ZC3H3: variants seen among roughly 807,000 people sequenced by gnomAD.
The protein encoded by ZC3H3 is zinc finger CCCH domain-containing protein 3.
ZC3H3 carries 36 observed loss-of-function variants against 77.3 expected under a neutral mutation model. That is an observed-to-expected ratio of 0.47 (90% confidence interval 0.36 to 0.61). The LOEUF (loss-of-function observed/expected upper bound fraction) is 0.61, where lower values mean the gene tolerates loss of function less well. Among genes scored for constraint, ZC3H3 ranks in the 20% least tolerant of loss-of-function variants. The probability of loss-of-function intolerance (pLI) is 0.00; values close to 1 mark genes in which losing one functional copy is unlikely to be tolerated. For synonymous variants in ZC3H3, 626 were observed against 555.2 expected (o/e 1.13, Z -1.79); for missense variants, 1,331 against 1,312.2 (o/e 1.01, Z -0.22).
intron 9 of ZC3H3, among the ~76,000 whole-genome samples, chr8:143,454,704 C>A (rs1157067402): frequency 6.6e-6 from 1 of 152,146 alleles, no homozygotes; most frequent in Non-Finnish European, 1.5e-5. Context: ...AGCCACCGCG[C>A]CCAGCCAACA....
intron 4 of ZC3H3, among the ~76,000 whole-genome samples, chr8:143,505,550 C>T (rs1161726715): frequency 2.0e-5 from 3 of 152,160 alleles, no homozygotes; most frequent in Admixed American, 6.5e-5. Flanking sequence ...CCCCTCAGCT[C>T]AGCACCCTCC....
chr8:143,527,910 C>T (rs557447638), intron 3 of ZC3H3, among the ~76,000 whole-genome samples: 32 of 152,356 alleles, frequency 2.1e-4, no homozygotes, highest in African/African-American at 7.7e-4. Context: ...GCAAGGAGAA[C>T]GGGCAGACAG....
rs1017842236 is a variant in ZC3H3, at chr8:143,522,668, C to G, written c.1561+13589G>C. ...GTGCAGTGGCTCACGCCTGGAATCC[C>G]AGCACTTTGGAAGGCCAAGTTAAGC... On this transcript the variant is annotated intron_variant, in intron 3 of 11. Transcript: ENST00000262577. Among the ~76,000 whole-genome samples, 7 of 152,240 alleles carry G rather than the reference C, an allele frequency of 4.6e-5. No individual in the cohort carries two copies. In the South Asian group the frequency reaches 1.4e-3, roughly 32 times the overall value.
At chr8:143,444,889 C>G (rs1327691779) in intron 9 of ZC3H3, among the ~76,000 whole-genome samples, 1 of 152,038 alleles carries the variant, frequency 6.6e-6, no homozygotes, top group Non-Finnish European at 1.5e-5. Flanking sequence ...GAAAAAAAGT[C>G]ATTATTTGCA....
At chr8:143,516,733 G>A (rs986353098) in intron 3 of ZC3H3, among the ~76,000 whole-genome samples, 4 of 152,178 alleles carry the variant, frequency 2.6e-5, no homozygotes, top group African/African-American at 7.2e-5. Flanking sequence ...GGTGCAGCAC[G>A]TGGCCAGCCA....
chr8:143,466,829 C>T (rs1316494618), intron 8 of ZC3H3, among the ~76,000 whole-genome samples: 1 of 152,212 alleles, frequency 6.6e-6, no homozygotes, highest in African/African-American at 2.4e-5. Context: ...CTCCCACTAC[C>T]CTTGTCCCCC....
Position 143,437,910 on chromosome 8 carries a change from G to A in ZC3H3, c.*146C>T. ...CACACGCTGGTCATGGAAGGTTGAG[G>A]GCCAGGCAGGCAGAGCAGTGTCCCT... On this transcript the variant is annotated 3_prime_UTR_variant, in exon 12 of 12. Coordinates refer to ENST00000262577, the MANE Select transcript of ZC3H3 (RefSeq NM_015117.3). The A allele has an allele frequency of 8.6e-7, 1 of 1,161,414 alleles. No homozygotes were observed. Among genetic ancestry groups the A allele is most frequent in the Non-Finnish European group, 1.2e-6 (1 of 803,402 alleles). 71.9% of individuals were successfully genotyped at this position (1,161,414 alleles called of 1,614,324 possible).
intron 4 of ZC3H3, among the ~76,000 whole-genome samples, chr8:143,476,193 C>G (rs1820729292): frequency 6.6e-6 from 1 of 152,216 alleles, no homozygotes; most frequent in South Asian, 2.1e-4. Flanking sequence ...CCTGCCTCTT[C>G]TCCTCCTCCA....
chr8:143,468,334 G>A (rs1820468109), intron 7 of ZC3H3, 48 bp downstream of exon 7: 1 of 1,611,764 alleles, frequency 6.2e-7, no homozygotes. Flanking sequence ...CAAGGGCAGG[G>A]CCCTGCACAG....
intron 9 of ZC3H3, among the ~76,000 whole-genome samples, chr8:143,463,274 C>T (rs1278964169): frequency 2.0e-5 from 3 of 151,702 alleles, no homozygotes; most frequent in African/African-American, 4.9e-5. Flanking sequence ...TGTGAGCCAC[C>T]GCGCCCGGCC....
At position 143,513,829 on chromosome 8, in the gene ZC3H3, G is replaced by A. The variant is rs927751215; in HGVS notation, c.1562-5930C>T. ...CCGAGGCACCTCCTGGAAGGCACCT[G>A]GGCCTGGCAGCTCCTCACAGCCTTT... is the stretch of plus-strand genomic sequence containing the variant. On this transcript the variant is annotated intron_variant, in intron 3 of 11. Transcript: ENST00000262577. Among the ~76,000 whole-genome samples, 4 of 152,246 alleles carry A rather than the reference G, an allele frequency of 2.6e-5. 1 individual carries two copies. Among genetic ancestry groups the A allele is most frequent in the Admixed American group, 2.6e-4 (4 of 15,294 alleles).
intron 4 of ZC3H3, among the ~76,000 whole-genome samples, chr8:143,496,400 T>C (rs1023689028): frequency 1.4e-4 from 22 of 152,132 alleles, no homozygotes; most frequent in Non-Finnish European, 3.2e-4. Flanking sequence ...GCACCTGCCG[T>C]GCAGAACGTG....
intron 11 of ZC3H3, among the ~76,000 whole-genome samples, chr8:143,439,727 G>A (rs771381291): frequency 4.6e-5 from 7 of 152,232 alleles, no homozygotes; most frequent in South Asian, 2.1e-4. Context: ...CCTGGCGCCC[G>A]TGGGACTCAC....
At chr8:143,483,410 G>C (rs186115445) in intron 4 of ZC3H3, among the ~76,000 whole-genome samples, 5 of 152,336 alleles carry the variant, frequency 3.3e-5, no homozygotes, top group Non-Finnish European at 5.9e-5. Context: ...TGGCTGGAGA[G>C]GCCCAGCCCG....
At chr8:143,534,292 A>C (rs1272100931) in intron 3 of ZC3H3, among the ~76,000 whole-genome samples, 2 of 151,218 alleles carry the variant, frequency 1.3e-5, no homozygotes, top group Non-Finnish European at 3.0e-5. Flanking sequence ...AAAAAAAAAA[A>C]AAAACGACGA....
In ZC3H3 at chr8:143,437,901, AAGGTTGAGGGCC is replaced by A; in HGVS notation, c.*143_*154del. ...GGCCCTGCGCACACGCTGGTCATGG[AAGGTTGAGGGCC>A]AGGCAGGCAGAGCAGTGTCCCTGTG... On this transcript the variant is annotated 3_prime_UTR_variant, in exon 12 of 12. Transcript: ENST00000262577. 1 of 1,052,656 alleles carries A rather than the reference AAGGTTGAGGGCC, an allele frequency of 9.5e-7. No individual in the cohort carries two copies. The highest frequency in any genetic ancestry group is 1.4e-6 in the Non-Finnish European group (1 of 709,242). The allele number at this position is 1,052,656 out of a possible 1,614,324, so 65.2% of individuals were successfully genotyped here. A position where few individuals can be genotyped will look rare whatever the true frequency, so the allele number is the denominator to read the frequency against.
At chr8:143,479,905 C>CAG (rs1820861790) in intron 4 of ZC3H3, among the ~76,000 whole-genome samples, 1 of 152,344 alleles carries the variant, frequency 6.6e-6, no homozygotes, top group African/African-American at 2.4e-5. Context: ...AAGAAGCTGT[C>CAG]TGTGCAGTAC....
chr8:143,488,567 T>C (rs4874139), intron 4 of ZC3H3, among the ~76,000 whole-genome samples: 26,442 of 147,468 alleles, frequency 0.18, 2,945 homozygotes, highest in Non-Finnish European at 0.23. Context: ...ACCACGAAGT[T>C]CAGGAACAGG....
intron 9 of ZC3H3, among the ~76,000 whole-genome samples, chr8:143,451,000 G>C (rs1248051112): frequency 6.6e-6 from 1 of 152,146 alleles, no homozygotes; most frequent in Non-Finnish European, 1.5e-5. Context: ...CACAGTAAGT[G>C]ACTGGATGCT....
Sources: allele counts gnomAD v4.1 joint callset (sites outside exome capture counted in the v4.1 genomes callset), GRCh38; gene constraint gnomAD v4.1.1; transcripts MANE v1.5; gene names NCBI Gene and HGNC (gene_info 2026-07-23, HGNC 2026-07-21).